EYS: variants seen among roughly 807,000 people sequenced by gnomAD.
EYS encodes the protein EGF-like photoreceptor maintenance factor, also known as protein eyes shut homolog.
EYS carries 250 observed loss-of-function variants against 282.1 expected under a neutral mutation model. That is an observed-to-expected ratio of 0.89 (90% CI 0.80 to 0.98). The LOEUF is 0.98. Among genes scored for constraint, EYS ranks in the 50% least tolerant of loss-of-function variants. The pLI is 0.00. For synonymous variants in EYS, 1,355 were observed against 1,282.9 expected, an observed-to-expected ratio of 1.06 and a Z score of -1.20; for missense variants, 4,016 against 3,709.0, an observed-to-expected ratio of 1.08 and a Z score of -2.15.
chr6:64,806,774 G>A (rs941936306), intron 22 of EYS, among the ~76,000 whole-genome samples: 2 of 151,934 alleles, frequency 1.3e-5, no homozygotes, highest in Non-Finnish European at 2.9e-5. Flanking sequence ...AAAGTTGTGG[G>A]GATGGATGAG....
chr6:64,095,503 AT>A (rs1217595314), intron 31 of EYS, among the ~76,000 whole-genome samples: 1 of 152,064 alleles, frequency 6.6e-6, no homozygotes, highest in East Asian at 1.9e-4. Context: ...CTTTACCATT[AT>A]GTAATGGCCT....
At chr6:64,083,938 A>ATG (rs1772063029) in intron 31 of EYS, among the ~76,000 whole-genome samples, 1 of 152,036 alleles carries the variant, frequency 6.6e-6, no homozygotes, top group Non-Finnish European at 1.5e-5. Context: ...GGGTTTCACT[A>ATG]TGTTGGCCAG....
At chr6:64,162,335 C>A (rs1368958317) in intron 31 of EYS, among the ~76,000 whole-genome samples, 2 of 152,104 alleles carry the variant, frequency 1.3e-5, no homozygotes, top group African/African-American at 4.8e-5. Context: ...AAGGCAATAT[C>A]TTTTCTTGTC....
intron 12 of EYS, among the ~76,000 whole-genome samples, chr6:65,081,303 G>A (rs1561956040): frequency 6.6e-6 from 1 of 152,000 alleles, no homozygotes; most frequent in African/African-American, 2.4e-5. Context: ...AGCAAGCTTA[G>A]TGGGGACCCA....
At chr6:65,213,866 G>A (rs901621267) in intron 12 of EYS, among the ~76,000 whole-genome samples, 9 of 151,972 alleles carry the variant, frequency 5.9e-5, no homozygotes, top group African/African-American at 1.2e-4. Context: ...GTGAGGAAGG[G>A]ATACTGAAAG....
chr6:64,623,204 CATTACT>C (rs1767503116), intron 23 of EYS, among the ~76,000 whole-genome samples: 1 of 152,078 alleles, frequency 6.6e-6, no homozygotes, highest in Non-Finnish European at 1.5e-5. Flanking sequence ...CTGTGTAATA[CATTACT>C]ATTAACTATA....
At chr6:65,053,176 A>C (rs552789398) in intron 13 of EYS, among the ~76,000 whole-genome samples, 20 of 151,860 alleles carry the variant, frequency 1.3e-4, no homozygotes, top group African/African-American at 4.8e-4. Context: ...TTTTTCCAGT[A>C]TGTGCTTTAA....
chr6:64,334,369 T>G (rs1415949658), intron 29 of EYS, among the ~76,000 whole-genome samples: 2 of 152,120 alleles, frequency 1.3e-5, no homozygotes, highest in Admixed American at 1.3e-4. Context: ...CTATCCGGGC[T>G]ATGATGAAGG....
chr6:64,458,318 G>T lies in EYS; in HGVS notation c.5645-18966C>A, dbSNP rs566425488. ...TGTGTTGCTTAGTACCTTTTTTTTAGCTTGAAGAACTATCTTTAGCATTTC... is the reference window on the plus strand; with the variant it reads ...TGTGTTGCTTAGTACCTTTTTTTTATCTTGAAGAACTATCTTTAGCATTTC... On this transcript the variant is annotated intron_variant, in intron 26 of 42. Coordinates refer to ENST00000503581, the MANE Select transcript of EYS (RefSeq NM_001142800.2). Among the ~76,000 whole-genome samples the T allele has an allele frequency of 7.2e-5, 11 of 151,752 alleles. No individual in the cohort carries two copies. In the South Asian group the frequency reaches 2.3e-3, roughly 31 times the overall value.
chr6:65,477,929 C>T (rs1316702593), intron 5 of EYS, among the ~76,000 whole-genome samples: 1 of 152,104 alleles, frequency 6.6e-6, no homozygotes, highest in East Asian at 1.9e-4. Flanking sequence ...TTGTGTCATA[C>T]CTATTTTCAA....
At chr6:65,453,773 T>C (rs1343591099) in intron 5 of EYS, among the ~76,000 whole-genome samples, 1 of 152,004 alleles carries the variant, frequency 6.6e-6, no homozygotes, top group Admixed American at 6.6e-5. Flanking sequence ...AGTGAGATCA[T>C]GCAATAGTTG....
intron 12 of EYS, among the ~76,000 whole-genome samples, chr6:65,111,735 T>C (rs1053350799): frequency 6.6e-6 from 1 of 152,136 alleles, no homozygotes. Flanking sequence ...TAATCCCAGC[T>C]ACTCAGGAGG....
At chr6:64,040,493 A>G (rs1770339211) in intron 33 of EYS, among the ~76,000 whole-genome samples, 1 of 152,176 alleles carries the variant, frequency 6.6e-6, no homozygotes, top group Non-Finnish European at 1.5e-5. Context: ...TAAATTTTGT[A>G]TTATTTGGAA....
intron 35 of EYS, 22 bp downstream of exon 35, chr6:63,984,361 G>A (rs1457960826): frequency 7.4e-6 from 11 of 1,491,482 alleles, no homozygotes; most frequent in Non-Finnish European, 1.0e-5. Context: ...CGTAGGTTGG[G>A]AATCAGGAGA....
At chr6:65,651,456 T>G (rs1346681256) in intron 1 of EYS, among the ~76,000 whole-genome samples, 1 of 152,076 alleles carries the variant, frequency 6.6e-6, no homozygotes, top group Non-Finnish European at 1.5e-5. Flanking sequence ...TGATATTGAC[T>G]GCCATTGTCT....
intron 22 of EYS, among the ~76,000 whole-genome samples, chr6:64,719,590 G>T (rs1771506842): frequency 6.6e-6 from 1 of 152,160 alleles, no homozygotes; most frequent in African/African-American, 2.4e-5. Context: ...AACTCCATTT[G>T]CCTCACAAAT....
intron 26 of EYS, among the ~76,000 whole-genome samples, chr6:64,447,128 C>T (rs916882296): frequency 1.3e-5 from 2 of 152,020 alleles, no homozygotes; most frequent in Middle Eastern, 3.2e-3. Flanking sequence ...TGTATCACAT[C>T]TTGATTCTTG....
At chr6:65,007,570 TA>T (rs1351383691) in intron 13 of EYS, among the ~76,000 whole-genome samples, 1 of 152,118 alleles carries the variant, frequency 6.6e-6, no homozygotes, top group Non-Finnish European at 1.5e-5. Flanking sequence ...GGCAATTATG[TA>T]AAAAGTGTGA....
Position 63,769,745 on chromosome 6 carries a change from C to T in EYS, c.7899-7112G>A, listed in dbSNP as rs80183398. ...TGCAGATAAATTGTTTAGTTCTGAC[C>T]GTCAATTTTATAGCTTAGAACTTCT... On this transcript the variant is annotated intron_variant, in intron 40 of 42. Coordinates refer to ENST00000503581, the MANE Select transcript of EYS (RefSeq NM_001142800.2). 9.7e-3 allele frequency among the ~76,000 whole-genome samples: 1,478 copies of T among 151,886 alleles called. 22 individuals are homozygous for T. Among genetic ancestry groups the T allele is most frequent in the African/African-American group, 0.031 (1,290 of 41,432 alleles).
Sources: gnomAD v4.1 joint callset for allele counts (sites outside exome capture counted in the v4.1 genomes callset) on GRCh38, gnomAD v4.1.1 for gene constraint, MANE v1.5 for transcripts, NCBI Gene and HGNC (gene_info 2026-07-23, HGNC 2026-07-21) for gene names.